Variants in VOPP1 observed in about 807,000 individuals in gnomAD.
The protein encoded by VOPP1 is WW domain binding protein VOPP1.
A neutral mutation model predicts 23.5 loss-of-function variants in VOPP1; 8 were observed. That is an observed-to-expected ratio of 0.34 (90% CI 0.20 to 0.61). The LOEUF (loss-of-function observed/expected upper bound fraction) is 0.61. Among genes scored for constraint, VOPP1 ranks in the 20% least tolerant of loss-of-function variants. The pLI is 0.78. For missense variants in VOPP1, 174 were observed against 238.1 expected, an observed-to-expected ratio of 0.73 and a Z score of 1.77; for synonymous variants, 83 against 97.3, an observed-to-expected ratio of 0.85 and a Z score of 0.86.
chr7:55,551,516 T>C (rs1459180747), intron 1 of VOPP1, among the ~76,000 whole-genome samples: 4 of 152,244 alleles, frequency 2.6e-5, no homozygotes, highest in Non-Finnish European at 4.4e-5. Flanking sequence ...TGGTGTTTCT[T>C]TCCCTCAGGA....
chr7:55,474,052 C>T (rs754646040), intron 4 of VOPP1, among the ~76,000 whole-genome samples: 17 of 152,232 alleles, frequency 1.1e-4, no homozygotes, highest in Non-Finnish European at 1.9e-4. Context: ...GGAAGGAGAG[C>T]ATGTAGAACA....
chr7:55,476,746 G>A (rs1792288231), intron 4 of VOPP1, among the ~76,000 whole-genome samples: 1 of 152,108 alleles, frequency 6.6e-6, no homozygotes, highest in African/African-American at 2.4e-5. Flanking sequence ...CCAGCCATGG[G>A]CAGGAGCCTC....
intron 4 of VOPP1, among the ~76,000 whole-genome samples, chr7:55,485,711 A>G (rs1174346371): frequency 6.6e-6 from 1 of 152,226 alleles, no homozygotes; most frequent in Middle Eastern, 3.2e-3. Flanking sequence ...CACACAGTAC[A>G]TTCACAGAGC....
chr7:55,542,818 C>T (rs941115572), intron 1 of VOPP1, among the ~76,000 whole-genome samples: 2 of 151,802 alleles, frequency 1.3e-5, no homozygotes, highest in African/African-American at 4.8e-5. Context: ...ACAGAACAGG[C>T]AATATTTGTT....
intron 4 of VOPP1, among the ~76,000 whole-genome samples, chr7:55,442,642 T>C (rs1420639733): frequency 3.0e-5 from 4 of 131,656 alleles, no homozygotes; most frequent in African/African-American, 6.1e-5. Flanking sequence ...ACACCACTTT[T>C]GAAGTAGACC....
intron 1 of VOPP1, among the ~76,000 whole-genome samples, chr7:55,540,396 CAAAAATAAATAA>C (rs869093608): frequency 2.3e-4 from 21 of 93,224 alleles, no homozygotes; most frequent in Non-Finnish European, 3.9e-4. Context: ...GACTCTGTCT[CAAAAATAAATAA>C]ATAAATAAAT....
intron 1 of VOPP1, chr7:55,538,772 G>C: frequency 1.2e-6 from 1 of 854,988 alleles, no homozygotes; most frequent in Non-Finnish European, 1.8e-6. Context: ...GAATGCTGTG[G>C]GTTTGAGCTG....
intron 4 of VOPP1, among the ~76,000 whole-genome samples, chr7:55,480,656 T>C (rs1792636113): frequency 6.6e-6 from 1 of 152,268 alleles, no homozygotes; most frequent in South Asian, 2.1e-4. Context: ...TGAGCCTCTT[T>C]TGAGGAGAGC....
chr7:55,448,776 C>A (rs771507234), intron 4 of VOPP1, among the ~76,000 whole-genome samples: 14 of 152,380 alleles, frequency 9.2e-5, no homozygotes, highest in South Asian at 4.1e-4. Context: ...GCGCTGGCAA[C>A]GGTGGGCCCG....
intron 4 of VOPP1, among the ~76,000 whole-genome samples, chr7:55,441,092 G>A (rs1314581008): frequency 2.0e-5 from 3 of 152,158 alleles, no homozygotes; most frequent in African/African-American, 7.2e-5. Context: ...TCACAAATTG[G>A]GACCATTTTC....
chr7:55,476,434 G>C (rs953718067), intron 4 of VOPP1, among the ~76,000 whole-genome samples: 2 of 145,540 alleles, frequency 1.4e-5, no homozygotes, highest in African/African-American at 2.5e-5. Flanking sequence ...CGTGTCGGGG[G>C]GGTGGGCGGG....
intron 1 of VOPP1, among the ~76,000 whole-genome samples, chr7:55,564,014 G>C (rs1015049690): frequency 6.6e-6 from 1 of 152,140 alleles, no homozygotes; most frequent in African/African-American, 2.4e-5. Context: ...ACAGTGTTTG[G>C]AATTTATCTT....
intron 1 of VOPP1, among the ~76,000 whole-genome samples, chr7:55,556,640 C>CA (rs1274862230): frequency 6.6e-6 from 1 of 150,648 alleles, no homozygotes; most frequent in African/African-American, 2.4e-5. Context: ...GTTGGAACCC[C>CA]CCCCCAAAAC....
In VOPP1 at chr7:55,561,987, G is replaced by A. The variant is rs57266989; in HGVS notation, c.54+10284C>T. 1.8e-3 allele frequency: 1,265 copies of A among 703,498 alleles called. 13 individuals are homozygous for A. The African/African-American group carries it at 0.019, about 10-fold the overall frequency. 43.6% of individuals were successfully genotyped at this position (703,498 alleles called of 1,614,324 possible). On this transcript the variant is annotated intron_variant, in intron 1 of 4. Transcript: ENST00000285279. ...GGTGCCTTCAGGACCCACAGTAGTCGGTTCAGTCTGCTGTACTGGATGAAG... is the reference window on the plus strand; with the variant it reads ...GGTGCCTTCAGGACCCACAGTAGTCAGTTCAGTCTGCTGTACTGGATGAAG...
downstream of VOPP1, among the ~76,000 whole-genome samples, chr7:55,468,300 A>T (rs1305443747): frequency 6.6e-6 from 1 of 151,376 alleles, no homozygotes; most frequent in East Asian, 1.9e-4. Context: ...AAAAAAAAAG[A>T]AAGAAAGAAA....
intron 4 of VOPP1, among the ~76,000 whole-genome samples, chr7:55,458,961 TAGA>T (rs1220980755): frequency 6.6e-6 from 1 of 152,288 alleles, no homozygotes; most frequent in South Asian, 2.1e-4. Context: ...TTCCAGTTTT[TAGA>T]AGAAGGTCTT....
At chr7:55,543,136 C>T (rs56109658) in intron 1 of VOPP1, among the ~76,000 whole-genome samples, 13,939 of 152,086 alleles carry the variant, frequency 0.092, 891 homozygotes, top group East Asian at 0.27. Flanking sequence ...AGGATGGTCT[C>T]GATCTCCTGA....
intron 2 of VOPP1, among the ~76,000 whole-genome samples, chr7:55,500,726 C>A (rs1483446065): frequency 1.3e-5 from 2 of 152,242 alleles, no homozygotes; most frequent in African/African-American, 4.8e-5. Flanking sequence ...TGTTAATTTT[C>A]AAAACATCCA....
At chr7:55,518,029 A>G (rs932685082) in intron 2 of VOPP1, among the ~76,000 whole-genome samples, 2 of 152,200 alleles carry the variant, frequency 1.3e-5, no homozygotes, top group Admixed American at 6.5e-5. Flanking sequence ...GGGAAGTGGC[A>G]CACTGAGTCT....
Sources: allele counts gnomAD v4.1 joint callset (sites outside exome capture counted in the v4.1 genomes callset), GRCh38; gene constraint gnomAD v4.1.1; transcripts MANE v1.5; gene names NCBI Gene and HGNC (gene_info 2026-07-23, HGNC 2026-07-21).